IQCM: variants seen among roughly 807,000 people sequenced by gnomAD.
IQCM encodes the protein IQ domain-containing protein M.
Under a neutral mutation model 57.6 loss-of-function variants are expected in IQCM, and 45 were observed. That is an observed-to-expected ratio of 0.78 (90% confidence interval 0.62 to 1.00). The LOEUF is 1.00. Among genes scored for constraint, IQCM ranks in the 50% least tolerant of loss-of-function variants. The probability of loss-of-function intolerance (pLI) is 0.00; values close to 1 mark genes in which losing one functional copy is unlikely to be tolerated. For missense variants in IQCM, 468 were observed against 511.6 expected (o/e 0.91, Z 0.82); for synonymous variants, 148 against 158.9 (o/e 0.93, Z 0.51).
intron 10 of IQCM, among the ~76,000 whole-genome samples, chr4:149,554,595 T>G (rs1749366419): frequency 6.6e-6 from 1 of 151,882 alleles, no homozygotes; most frequent in South Asian, 2.1e-4. Flanking sequence ...ATTACAGGCA[T>G]GAGCCACCGC....
In IQCM at chr4:149,547,702, A is replaced by T. The variant is rs149283165; in HGVS notation, c.1228+753T>A. Among the ~76,000 whole-genome samples the T allele has an allele frequency of 5.6e-4, 86 of 152,338 alleles. No individual in the cohort carries two copies. In the East Asian group the frequency reaches 0.015, roughly 27 times the overall value. ...ACAGTGACTATGAATGGTGATGGATATATTGATTAATTTGATTGTAGTAGT... is the reference window on the plus strand; with the variant it reads ...ACAGTGACTATGAATGGTGATGGATTTATTGATTAATTTGATTGTAGTAGT... On this transcript the variant is annotated intron_variant, in intron 12 of 13. Transcript: ENST00000636793.
In IQCM at chr4:149,563,731, T is replaced by A; in HGVS notation, c.909A>T (p.Gly303=). 1 of 1,232,050 alleles carries A rather than the reference T, an allele frequency of 8.1e-7. No individual in the cohort carries two copies. Among genetic ancestry groups the A allele is most frequent in the Non-Finnish European group, 1.0e-6 (1 of 987,930 alleles). 76.3% of individuals were successfully genotyped at this position (1,232,050 alleles called of 1,614,324 possible). A position where few individuals can be genotyped will look rare whatever the true frequency, so the allele number is the denominator to read the frequency against. ...TTTGCAATCTTTTCCGTTCAAGCCA[T>A]CCCCTGACATGTGCCTGCATGACGG... is the stretch of plus-strand genomic sequence containing the variant. The part of the protein sequence containing the change: ...MVTVMQAHVR[G]WLERKRLQRV... Residue 303 remains glycine (G), a synonymous_variant, in exon 10 of 14, where the codon GGA becomes GGT. Transcript: ENST00000636793.
At chr4:149,403,349 A>AG (rs1732750557) in intron 13 of IQCM, among the ~76,000 whole-genome samples, 2 of 152,010 alleles carry the variant, frequency 1.3e-5, no homozygotes, top group Non-Finnish European at 2.9e-5. Context: ...TCTGCAATAA[A>AG]TTTATCAAAC....
chr4:149,592,716 C>A (rs1313468808), intron 8 of IQCM, among the ~76,000 whole-genome samples: 1 of 151,918 alleles, frequency 6.6e-6, no homozygotes, highest in African/African-American at 2.4e-5. Flanking sequence ...AATAGGGAAT[C>A]CTTTCCCCAT....
At chr4:149,761,839 C>T (rs1256166189) in intron 2 of IQCM, among the ~76,000 whole-genome samples, 1 of 152,026 alleles carries the variant, frequency 6.6e-6, no homozygotes, top group African/African-American at 2.4e-5. Context: ...CTACTGACTT[C>T]TTGTATGATA....
chr4:149,452,965 T>C (rs2111417951), intron 12 of IQCM, among the ~76,000 whole-genome samples: 1 of 150,380 alleles, frequency 6.6e-6, no homozygotes, highest in East Asian at 2.0e-4. Flanking sequence ...TCATGCAATA[T>C]ACCCACGTAA....
intron 2 of IQCM, among the ~76,000 whole-genome samples, chr4:149,812,846 A>C (rs1379863093): frequency 6.6e-6 from 1 of 151,924 alleles, no homozygotes; most frequent in African/African-American, 2.4e-5. Context: ...CCTCCCCTAC[A>C]CCCAGGTGAC....
chr4:149,530,729 T>C (rs1009126678), intron 12 of IQCM, among the ~76,000 whole-genome samples: 8 of 151,862 alleles, frequency 5.3e-5, no homozygotes, highest in South Asian at 2.1e-4. Context: ...GCTAACACCT[T>C]ATCCAATGAA....
chr4:149,751,512 C>T (rs908766621), intron 2 of IQCM, among the ~76,000 whole-genome samples: 9 of 152,134 alleles, frequency 5.9e-5, no homozygotes, highest in African/African-American at 2.2e-4. Context: ...GTCCTGAATC[C>T]TGGGAGCTGC....
At chr4:149,608,345 T>G (rs1027477673) in intron 8 of IQCM, among the ~76,000 whole-genome samples, 19 of 152,038 alleles carry the variant, frequency 1.2e-4, no homozygotes, top group African/African-American at 4.3e-4. Flanking sequence ...CTTTCAGCAT[T>G]AGACAGATAA....
intron 12 of IQCM, among the ~76,000 whole-genome samples, chr4:149,504,171 T>A (rs1743545479): frequency 6.6e-6 from 1 of 152,116 alleles, no homozygotes; most frequent in Admixed American, 6.5e-5. Flanking sequence ...AAATGGATAG[T>A]CTCATACACA....
intron 7 of IQCM, among the ~76,000 whole-genome samples, chr4:149,681,819 T>A (rs575398375): frequency 2.6e-3 from 397 of 151,352 alleles, no homozygotes; most frequent in African/African-American, 9.1e-3. Flanking sequence ...ATGTATTTTT[T>A]AAAAACAACA....
At chr4:149,378,701 A>C (rs1165729835) in intron 13 of IQCM, among the ~76,000 whole-genome samples, 3 of 152,296 alleles carry the variant, frequency 2.0e-5, no homozygotes, top group Non-Finnish European at 4.4e-5. Flanking sequence ...AGTTTGAAAA[A>C]TTTGCAGCCT....
At chr4:149,759,138 C>T (rs1244817093) in intron 2 of IQCM, among the ~76,000 whole-genome samples, 1 of 152,142 alleles carries the variant, frequency 6.6e-6, no homozygotes, top group African/African-American at 2.4e-5. Flanking sequence ...TAAATGCACA[C>T]TACTGGGTGA....
intron 13 of IQCM, among the ~76,000 whole-genome samples, chr4:149,371,220 T>C (rs1385924121): frequency 6.6e-6 from 1 of 152,134 alleles, no homozygotes. Context: ...CTTTGTAACA[T>C]GTAAGCAAAC....
At position 149,735,314 on chromosome 4, in the gene IQCM, G is replaced by A. The variant is rs17026391; in HGVS notation, c.120+62C>T. On this transcript the variant is annotated intron_variant, in intron 4 of 13. Transcript: ENST00000636793. Reference sequence around the variant, plus strand: ...TCTTAGGGTTTATGCAATCCTTTGGGAGAATCCTTGTAGTATGCAAAAATT... The same window carrying A: ...TCTTAGGGTTTATGCAATCCTTTGGAAGAATCCTTGTAGTATGCAAAAATT... 2.6e-3 allele frequency: 1,964 copies of A among 743,680 alleles called. 19 individuals are homozygous for A. The African/African-American group carries it at 0.031, about 12-fold the overall frequency. The allele number at this position is 743,680 out of a possible 1,614,324, so 46.1% of individuals were successfully genotyped here. A position where few individuals can be genotyped will look rare whatever the true frequency, so the allele number is the denominator to read the frequency against.
chr4:149,355,516 A>C (rs1281319564), intron 13 of IQCM, among the ~76,000 whole-genome samples: 1 of 150,872 alleles, frequency 6.6e-6, no homozygotes, highest in Non-Finnish European at 1.5e-5. Context: ...TCCTTGCGAT[A>C]GTTTGCTGAG....
intron 8 of IQCM, among the ~76,000 whole-genome samples, chr4:149,620,023 G>C (rs181455169): frequency 1.3e-5 from 2 of 152,102 alleles, no homozygotes; most frequent in African/African-American, 4.8e-5. Flanking sequence ...CAGGCATGGT[G>C]GCAAGCATCG....
chr4:149,728,651 C>G (rs1396493351), intron 5 of IQCM, among the ~76,000 whole-genome samples: 1 of 152,168 alleles, frequency 6.6e-6, no homozygotes, highest in Admixed American at 6.5e-5. Context: ...TGCATCACTT[C>G]CAGCTATAAT....
Sources: allele counts gnomAD v4.1 joint callset (sites outside exome capture counted in the v4.1 genomes callset), GRCh38; gene constraint gnomAD v4.1.1; transcripts MANE v1.5; gene names NCBI Gene and HGNC (gene_info 2026-07-23, HGNC 2026-07-21).